The following CDC6 variants were observed in gnomAD, a reference collection of about 807,000 sequenced individuals.
CDC6 encodes the protein cell division cycle 6.
A neutral mutation model predicts 60.2 loss-of-function variants in CDC6; 46 were observed. The ratio of observed to expected loss-of-function variants is 0.76; its 90% CI spans 0.60 to 0.98. The LOEUF is 0.98. Ranked by LOEUF, CDC6 falls within the 50% of genes least tolerant of loss-of-function variation. The probability of loss-of-function intolerance (pLI) is 0.00; values close to 1 mark genes in which losing one functional copy is unlikely to be tolerated. For missense variants in CDC6, 596 were observed against 652.9 expected (o/e 0.91, Z 0.95); for synonymous variants, 210 against 233.2 (o/e 0.90, Z 0.90).
At position 40,295,408 on chromosome 17, in the gene CDC6, A is replaced by G; in HGVS notation, c.1136A>G (p.Lys379Arg). 2 of 1,613,996 alleles carry G rather than the reference A, an allele frequency of 1.2e-6. No homozygotes were observed. Among genetic ancestry groups the G allele is most frequent in the East Asian group, 4.5e-5 (2 of 44,878 alleles). The change falls in exon 8 of 12, where the codon AAA becomes AGA. Residue 379 changes from lysine (K) to arginine (R), a missense_variant. By Grantham distance (26) the Lys-to-Arg change is conservative. Coordinates refer to ENST00000209728, the MANE Select transcript of CDC6 (RefSeq NM_001254.4). ...GCTGCAGTTCAATTCTGTGCCCGCAAAGTCTCTGCTGTTTCAGGAGATGTT... is the reference window on the plus strand; with the variant it reads ...GCTGCAGTTCAATTCTGTGCCCGCAGAGTCTCTGCTGTTTCAGGAGATGTT... ...DNAAVQFCARKVSAVSGDVRK... is the reference protein window; with the variant it reads ...DNAAVQFCARRVSAVSGDVRK...
chr17:40,290,434 A>G (rs2032737491), intron 2 of CDC6, among the ~76,000 whole-genome samples: 2 of 152,246 alleles, frequency 1.3e-5, no homozygotes, highest in Middle Eastern at 3.4e-3. Context: ...TGCACAGGAC[A>G]GCTCCTTGAC....
In CDC6 at chr17:40,302,025, A is replaced by G; in HGVS notation, c.*24A>G. On this transcript the variant is annotated 3_prime_UTR_variant, in exon 12 of 12. Coordinates refer to ENST00000209728, the MANE Select transcript of CDC6 (RefSeq NM_001254.4). ...AAATTCTTCTCTTACACCCCACCCG[A>G]AAGTATTCAGCTGGCATTTAGAGAG... The G allele has an allele frequency of 1.5e-6, 2 of 1,317,464 alleles. No individual in the cohort carries two copies. The highest frequency in any genetic ancestry group is 1.1e-6 in the Non-Finnish European group (1 of 909,140). The allele number at this position is 1,317,464 out of a possible 1,614,324, so 81.6% of individuals were successfully genotyped here.
chr17:40,301,737 T>C (rs548530011), intron 11 of CDC6, 129 bp downstream of exon 11: 60 of 1,064,306 alleles, frequency 5.6e-5, no homozygotes, highest in Non-Finnish European at 7.2e-5. Flanking sequence ...AGGTAAGGTT[T>C]AAGGTGTGTA....
At chr17:40,301,835 A>G (rs2032944610) in intron 11 of CDC6, 77 bp from the exon 12 acceptor site, 1 of 1,048,206 alleles carries the variant, frequency 9.5e-7, no homozygotes, top group Non-Finnish European at 1.5e-6. Context: ...AAAGTTTAAT[A>G]TGGTAGAAGT....
chr17:40,302,102 A>G lies in CDC6; in HGVS notation c.*101A>G. 2.6e-6 allele frequency: 2 copies of G among 778,716 alleles called. No homozygotes were observed. The highest frequency in any genetic ancestry group is 1.8e-5 in the Admixed American group (1 of 55,834). 48.2% of individuals were successfully genotyped at this position (778,716 alleles called of 1,614,324 possible). On this transcript the variant is annotated 3_prime_UTR_variant, in exon 12 of 12. Transcript: ENST00000209728. ...ACATTCGGGCCTGAAAACAAATATGACCTTTTTTACTTGAAGCCAATGAAT... is the reference window on the plus strand; with the variant it reads ...ACATTCGGGCCTGAAAACAAATATGGCCTTTTTTACTTGAAGCCAATGAAT...
At chr17:40,292,014 T>G (rs1030237584) in intron 4 of CDC6, among the ~76,000 whole-genome samples, 3 of 152,176 alleles carry the variant, frequency 2.0e-5, no homozygotes, top group African/African-American at 4.8e-5. Context: ...CCCAAAGTGT[T>G]GGGATTACAG....
At chr17:40,299,751 GAAA>G (rs71300055) in intron 9 of CDC6, among the ~76,000 whole-genome samples, 4 of 77,702 alleles carry the variant, frequency 5.1e-5, no homozygotes, top group Admixed American at 1.4e-4. Flanking sequence ...ATACCAAAAA[GAAA>G]AAAAAAAAAA....
rs113629063 is a variant in CDC6 at position 40,293,648 on chromosome 17, T to A, written c.836+17T>A. 1 of 1,594,582 alleles carries A rather than the reference T, an allele frequency of 6.3e-7. No individual in the cohort carries two copies. The highest frequency in any genetic ancestry group is 1.7e-5 in the Admixed American group (1 of 59,992). ...CCCCATGATGTAAGTATTGTTCTGC[T>A]TCATGTTGCTCTGTGAAAATCTGCA... On this transcript the variant is annotated intron_variant, in intron 5 of 11. Coordinates refer to ENST00000209728, the MANE Select transcript of CDC6 (RefSeq NM_001254.4).
chr17:40,295,586 A>G, intron 8 of CDC6, 130 bp downstream of exon 8: 1 of 692,362 alleles, frequency 1.4e-6, no homozygotes, highest in Non-Finnish European at 2.6e-6. Context: ...CTCAGAAAGG[A>G]GGACTTGTTT....
chr17:40,296,267 T>A (rs967584370), intron 8 of CDC6, among the ~76,000 whole-genome samples: 21 of 152,236 alleles, frequency 1.4e-4, no homozygotes, highest in African/African-American at 5.1e-4. Flanking sequence ...GATATCCCTT[T>A]TAGGTTTGGT....
intron 9 of CDC6, among the ~76,000 whole-genome samples, chr17:40,299,138 CTTTTTTT>C (rs67162965): frequency 8.4e-4 from 51 of 60,774 alleles, no homozygotes; most frequent in Admixed American, 2.3e-3. Flanking sequence ...AGGCCATAGT[CTTTTTTT>C]TTTTTTTTTT....
intron 9 of CDC6, among the ~76,000 whole-genome samples, chr17:40,297,957 A>C (rs1332867598): frequency 4.6e-5 from 7 of 152,224 alleles, no homozygotes; most frequent in Non-Finnish European, 8.8e-5. Flanking sequence ...GCCATGAACT[A>C]CGTATCTTAC....
intron 9 of CDC6, among the ~76,000 whole-genome samples, chr17:40,298,888 G>A (rs4135024): frequency 6.6e-6 from 1 of 152,126 alleles, no homozygotes. Flanking sequence ...GAGAGGACTC[G>A]GCCAGTGGAT....
chr17:40,292,799 C>T (rs553898474), intron 4 of CDC6, among the ~76,000 whole-genome samples: 2 of 151,776 alleles, frequency 1.3e-5, no homozygotes, highest in Admixed American at 6.6e-5. Flanking sequence ...GGCGTGGTGG[C>T]GAGTGCCTGT....
intron 4 of CDC6, among the ~76,000 whole-genome samples, 195 bp from the exon 5 acceptor site, chr17:40,293,261 G>A (rs2032797200): frequency 6.6e-6 from 1 of 152,018 alleles, no homozygotes; most frequent in African/African-American, 2.4e-5. Context: ...AAGAAAGAAA[G>A]AAAAGAAAGA....
chr17:40,295,185 T>C (rs1043177678), intron 7 of CDC6, among the ~76,000 whole-genome samples, 171 bp from the exon 8 acceptor site: 6 of 152,218 alleles, frequency 3.9e-5, no homozygotes, highest in Non-Finnish European at 7.3e-5. Flanking sequence ...CTTAAATGTG[T>C]GAAAACTCTC....
At position 40,289,557 on chromosome 17, in the gene CDC6, C is replaced by T; in HGVS notation, c.137C>T (p.Pro46Leu). Reference protein sequence around the residue: ...PTNVQTVTCSPRVKALPLSPR... With the variant: ...PTNVQTVTCSLRVKALPLSPR... ...AATGTCCAAACCGTAACCTGTTCTCCTCGTGTAAAAGCCCTGCCTCTCAGC... is the reference window on the plus strand; with the variant it reads ...AATGTCCAAACCGTAACCTGTTCTCTTCGTGTAAAAGCCCTGCCTCTCAGC... The change falls in exon 2 of 12, where the codon CCT becomes CTT. Residue 46 changes from proline (P) to leucine (L), a missense_variant. Coordinates refer to ENST00000209728, the MANE Select transcript of CDC6 (RefSeq NM_001254.4). The T allele has an allele frequency of 6.2e-7, 1 of 1,614,070 alleles. No homozygotes were observed. Among genetic ancestry groups the T allele is most frequent in the Non-Finnish European group, 8.5e-7 (1 of 1,180,002 alleles).
chr17:40,294,517 ATT>A lies in CDC6; in HGVS notation c.1083+17_1083+18del. The A allele has an allele frequency of 6.2e-7, 1 of 1,613,148 alleles. No homozygotes were observed. On this transcript the variant is annotated intron_variant, in intron 7 of 11. Transcript: ENST00000209728. ...CGACTTAATCAGGTCAGTGCCAACT[ATT>A]TTGCCAAATTATGTGTTCCTTGGAT...
At position 40,295,357 on chromosome 17, in the gene CDC6, T is replaced by C. The variant is rs1230435122; in HGVS notation, c.1085T>C (p.Val362Ala). ...TCATCTTCTATGTCTTGTCTGAAGGTATCTAGAGATCAGGTTCTGGACAAT... is the reference window on the plus strand; with the variant it reads ...TCATCTTCTATGTCTTGTCTGAAGGCATCTAGAGATCAGGTTCTGGACAAT... ...VTILQDRLNQ[V>A]SRDQVLDNAA... The change falls in exon 8 of 12, where the codon GTA becomes GCA. Residue 362 changes from valine to alanine, a missense_variant and splice_region_variant. Val to Ala is a moderately conservative substitution (Grantham distance 64). Transcript: ENST00000209728. The C allele has an allele frequency of 2.3e-5, 37 of 1,597,308 alleles. No individual in the cohort carries two copies. The highest frequency in any genetic ancestry group is 2.2e-5 in the East Asian group (1 of 44,814).
Sources: allele counts gnomAD v4.1 joint callset (sites outside exome capture counted in the v4.1 genomes callset), GRCh38; gene constraint gnomAD v4.1.1; transcripts MANE v1.5; gene names NCBI Gene and HGNC (gene_info 2026-07-23, HGNC 2026-07-21).